EP400: variants seen among roughly 807,000 people sequenced by gnomAD.
The protein encoded by EP400 is E1A-binding protein p400.
Under a neutral mutation model 354.1 loss-of-function variants are expected in EP400, and 105 were observed. That is an observed-to-expected ratio of 0.30 (90% CI 0.25 to 0.35). The LOEUF is 0.35. Ranked by LOEUF, EP400 falls within the 10% of genes least tolerant of loss-of-function variation. EP400 has a pLI of 1.00. For missense variants in EP400, 3,280 were observed against 4,121.0 expected (o/e 0.80, Z 5.59); for synonymous variants, 1,646 against 1,716.9 (o/e 0.96, Z 1.02).
At chr12:132,007,951 T>C (rs1452805823) in intron 15 of EP400, among the ~76,000 whole-genome samples, 1 of 7,734 alleles carries the variant, frequency 1.3e-4, no homozygotes, top group Non-Finnish European at 2.0e-4. Context: ...CCAGCGAGGG[T>C]TCTTTTTTTT....
Position 132,038,038 on chromosome 12 carries a change from C to G in EP400, c.6149C>G (p.Ser2050Cys). The change falls in exon 32 of 53, where the codon TCT (serine) becomes TGT (cysteine). Residue 2050 changes from serine (S) to cysteine (C), a missense_variant. Physicochemically the swap from Ser to Cys is moderately radical, Grantham distance 112. Transcript: ENST00000389561. The surrounding 1 kb of genome is among the most constrained non-coding windows in gnomAD (Gnocchi z 4.2). ...PVKAEEFVVL[S>C]QEPSVTETIA... ...AAAGCTGAGGAGTTTGTGGTGCTTTCTCAGGAACCTTCTGTCACGGAAACC... is the reference window on the plus strand; with the variant it reads ...AAAGCTGAGGAGTTTGTGGTGCTTTGTCAGGAACCTTCTGTCACGGAAACC... 1.2e-6 allele frequency: 2 copies of G among 1,614,222 alleles called. No homozygotes were observed. The highest frequency in any genetic ancestry group is 1.7e-6 in the Non-Finnish European group (2 of 1,180,042).
intron 5 of EP400, among the ~76,000 whole-genome samples, chr12:131,983,681 TTTTG>T (rs1296146277): frequency 1.3e-5 from 2 of 152,170 alleles, no homozygotes; most frequent in East Asian, 3.9e-4. Context: ...AGTTCAGGGT[TTTTG>T]TTTGTTTGTT....
At chr12:131,997,940 A>T (rs1893272486) in intron 12 of EP400, among the ~76,000 whole-genome samples, 1 of 152,232 alleles carries the variant, frequency 6.6e-6, no homozygotes, top group Admixed American at 6.5e-5. Flanking sequence ...GTTCACAAAG[A>T]TATATCATCT....
chr12:132,064,471 G>A (rs548640505), intron 47 of EP400, among the ~76,000 whole-genome samples, 197 bp from the exon 48 acceptor site: 50 of 152,278 alleles, frequency 3.3e-4, no homozygotes, highest in East Asian at 2.7e-3. Context: ...AGTTTTCACC[G>A]ACGAATGCAC....
At chr12:132,044,647 C>G (rs201091726) in intron 35 of EP400, 24 bp from the exon 36 acceptor site, 12 of 1,613,908 alleles carry the variant, frequency 7.4e-6, no homozygotes, top group African/African-American at 1.3e-5. Context: ...TGGTGGAAGT[C>G]AGAGCTTGCC....
intron 27 of EP400, 57 bp downstream of exon 27, chr12:132,028,345 G>A: frequency 2.5e-6 from 4 of 1,587,322 alleles, no homozygotes; most frequent in Non-Finnish European, 3.4e-6. Context: ...ACCCCGGCAA[G>A]ACCCCTTCTT....
At position 132,028,202 on chromosome 12, in the gene EP400, C is replaced by T; in HGVS notation, c.5295C>T (p.His1765=). The T allele has an allele frequency of 1.2e-6, 2 of 1,614,156 alleles. No homozygotes were observed. Among genetic ancestry groups the T allele is most frequent in the South Asian group, 2.2e-5 (2 of 91,082 alleles). Residue 1765 remains histidine, a synonymous_variant, in exon 27 of 53, where the codon CAC becomes CAT. Coordinates refer to ENST00000389561, the MANE Select transcript of EP400 (RefSeq NM_015409.5). Reference sequence around the variant, plus strand: ...GTGGGAAGGAGGCCGGGCCAGCGCACAGTTACACTTCATCCTCAGAAAGTC... The same window carrying T: ...GTGGGAAGGAGGCCGGGCCAGCGCATAGTTACACTTCATCCTCAGAAAGTC... ...GRRGKEAGPA[H]SYTSSSESPS...
Position 132,052,300 on chromosome 12 carries a change from C to T in EP400, c.7395-846C>T, listed in dbSNP as rs555059998. On this transcript the variant is annotated intron_variant, in intron 41 of 52. Coordinates refer to ENST00000389561, the MANE Select transcript of EP400 (RefSeq NM_015409.5). The surrounding 1 kb of genome is among the most constrained non-coding windows in gnomAD (Gnocchi z 4.4). ...TGGGAGGCTTCCTCGTTCTGTGGCC[C>T]CCTTTCCGCACAGTAGTGGAGTGAT... Among the ~76,000 whole-genome samples the T allele has an allele frequency of 1.3e-5, 2 of 152,314 alleles. No homozygotes were observed. The highest frequency in any genetic ancestry group is 4.8e-5 in the African/African-American group (2 of 41,568).
rs1196109788 is a variant in EP400 at position 132,021,212 on chromosome 12, C to T, written c.4581C>T (p.Ser1527=). Reference sequence around the variant, plus strand: ...GGGCCCAGACCACAGCACAGGCCTCCACCCCAGGCCAGCCCCCGCCCCAGC... The same window carrying T: ...GGGCCCAGACCACAGCACAGGCCTCTACCCCAGGCCAGCCCCCGCCCCAGC... ...KLRAQTTAQA[S]TPGQPPPQPQ... Residue 1527 remains serine (S), a synonymous_variant, in exon 23 of 53, where the codon TCC becomes TCT. Transcript: ENST00000389561. 6.3e-7 allele frequency: 1 copy of T among 1,596,234 alleles called. No homozygotes were observed. Among genetic ancestry groups the T allele is most frequent in the Non-Finnish European group, 8.5e-7 (1 of 1,178,036 alleles).
chr12:132,009,130 G>A lies in EP400; in HGVS notation c.3304+2253G>A, dbSNP rs143539133. 7.0e-3 allele frequency among the ~76,000 whole-genome samples: 1,045 copies of A among 150,104 alleles called. 12 individuals carry two copies. Among genetic ancestry groups the A allele is most frequent in the African/African-American group, 0.024 (987 of 40,806 alleles). The stretch of plus-strand genomic sequence containing the variant: ...ATATTTTTGGCAGAGATAGGGTTTT[G>A]CCATGTTGCCAGGTTGGTCTTGAAC... On this transcript the variant is annotated intron_variant, in intron 15 of 52. Coordinates refer to ENST00000389561, the MANE Select transcript of EP400 (RefSeq NM_015409.5).
chr12:132,029,561 C>T lies in EP400; in HGVS notation c.5382-140C>T. ...GCCCCTGCCCGTGTGCCAACACCCA[C>T]ATCCCCATGTGACTGGGTTGAGCCC... On this transcript the variant is annotated intron_variant, in intron 27 of 52. Coordinates refer to ENST00000389561, the MANE Select transcript of EP400 (RefSeq NM_015409.5). The surrounding 1 kb of genome is among the most constrained non-coding windows in gnomAD (Gnocchi z 4.7). 1.1e-6 allele frequency: 1 copy of T among 932,982 alleles called. No individual in the cohort carries two copies. The allele number at this position is 932,982 out of a possible 1,614,324, so 57.8% of individuals were successfully genotyped here. A position where few individuals can be genotyped will look rare whatever the true frequency, so the allele number is the denominator to read the frequency against.
Position 132,020,082 on chromosome 12 carries a change from C to A in EP400, c.4311C>A (p.Pro1437=). ...LFQPVQYGQK[P]EGRTVAFPST... ...AGCCTGTGCAGTATGGCCAGAAGCCCGAGGGTCGCACCGTGGCTTTCCCCA... is the reference window on the plus strand; with the variant it reads ...AGCCTGTGCAGTATGGCCAGAAGCCAGAGGGTCGCACCGTGGCTTTCCCCA... The change falls in exon 22 of 53, where the codon CCC becomes CCA. Residue 1437 remains proline, a synonymous_variant. Coordinates refer to ENST00000389561, the MANE Select transcript of EP400 (RefSeq NM_015409.5). 5 of 1,592,272 alleles carry A rather than the reference C, an allele frequency of 3.1e-6. No individual in the cohort carries two copies. The highest frequency in any genetic ancestry group is 4.3e-6 in the Non-Finnish European group (5 of 1,169,200).
chr12:132,073,658 G>A (rs1224903286), intron 51 of EP400, among the ~76,000 whole-genome samples: 1 of 151,600 alleles, frequency 6.6e-6, no homozygotes, highest in African/African-American at 2.4e-5. Context: ...TCACCATGTT[G>A]GCCAGGCTAG....
At chr12:132,068,218 G>A (rs945592883) in intron 50 of EP400, 2 of 152,570 alleles carry the variant, frequency 1.3e-5, no homozygotes, top group African/African-American at 4.8e-5. Context: ...ACTGCTGTCT[G>A]GCTAGAGCTA....
chr12:132,070,462 C>T lies in EP400; in HGVS notation c.9021+821C>T, dbSNP rs977792028. Among the ~76,000 whole-genome samples the T allele has an allele frequency of 6.6e-5, 10 of 152,242 alleles. No homozygotes were observed. Among genetic ancestry groups the T allele is most frequent in the Non-Finnish European group, 1.0e-4 (7 of 68,046 alleles). On this transcript the variant is annotated intron_variant, in intron 51 of 52. Transcript: ENST00000389561. This position sits in a 1 kb window ranked among gnomAD's most constrained non-coding sequence, Gnocchi z 4.1. ...CTCAGAGGCCATGCTGGTCCCACGG[C>T]GCTCTCGCTATGAGCGGCAGTGACA...
chr12:132,013,200 C>A lies in EP400; in HGVS notation c.3611+22C>A. ...AGAGGTCTGTGTGTTACGCGCTTGT[C>A]ATTGAGTGTTCTTTGCTGTTGATGT... is the stretch of plus-strand genomic sequence containing the variant. On this transcript the variant is annotated intron_variant, in intron 17 of 52. Transcript: ENST00000389561. This position sits in a 1 kb window ranked among gnomAD's most constrained non-coding sequence, Gnocchi z 4.5. 1.3e-6 allele frequency: 2 copies of A among 1,588,698 alleles called. No homozygotes were observed. The highest frequency in any genetic ancestry group is 2.2e-5 in the South Asian group (2 of 89,014).
chr12:131,951,353 A>G (rs1593303530), intron 1 of EP400, among the ~76,000 whole-genome samples: 3 of 149,702 alleles, frequency 2.0e-5, no homozygotes, highest in South Asian at 4.3e-4. Flanking sequence ...TGCCCGGCCA[A>G]TTTTTTATTA....
Position 132,018,691 on chromosome 12 carries a change from C to G in EP400, c.4277+315C>G, listed in dbSNP as rs942426368. Among the ~76,000 whole-genome samples the G allele has an allele frequency of 2.6e-5, 4 of 152,150 alleles. No individual in the cohort carries two copies. The highest frequency in any genetic ancestry group is 9.7e-5 in the African/African-American group (4 of 41,430). ...GGTGGAGGCTGGTGTGGCCGAACCA[C>G]ACATGTGTCGTGAGTGTGGCAGGCA... On this transcript the variant is annotated intron_variant, in intron 21 of 52. Coordinates refer to ENST00000389561, the MANE Select transcript of EP400 (RefSeq NM_015409.5). The surrounding 1 kb of genome is among the most constrained non-coding windows in gnomAD (Gnocchi z 4.0).
At chr12:132,058,107 G>A (rs1282828308) in intron 45 of EP400, among the ~76,000 whole-genome samples, 1 of 152,300 alleles carries the variant, frequency 6.6e-6, no homozygotes, top group South Asian at 2.1e-4. Context: ...CAGGAAGTAC[G>A]TCATCCACAG....
Sources: allele counts gnomAD v4.1 joint callset (sites outside exome capture counted in the v4.1 genomes callset), GRCh38; gene constraint gnomAD v4.1.1; non-coding constraint Gnocchi (gnomAD v3.1); transcripts MANE v1.5; gene names NCBI Gene and HGNC (gene_info 2026-07-23, HGNC 2026-07-21).